MAPK10: variants seen among roughly 807,000 people sequenced by gnomAD.
The protein encoded by MAPK10 is mitogen-activated protein kinase 10.
Under a neutral mutation model 59.3 loss-of-function variants are expected in MAPK10, and 25 were observed. The ratio of observed to expected loss-of-function variants is 0.42; its 90% confidence interval spans 0.31 to 0.59. MAPK10 has a LOEUF of 0.59. Among genes scored for constraint, MAPK10 ranks in the 20% least tolerant of loss-of-function variants. MAPK10 has a pLI of 0.15. For missense variants in MAPK10, 351 were observed against 568.9 expected (o/e 0.62, Z 3.90); for synonymous variants, 190 against 200.5 (o/e 0.95, Z 0.44).
chr4:86,458,193 A>T (rs1751405111), upstream of MAPK10, among the ~76,000 whole-genome samples: 1 of 151,972 alleles, frequency 6.6e-6, no homozygotes, highest in South Asian at 2.1e-4. Flanking sequence ...CCAGCTACTT[A>T]GGAAGCTGAG....
At chr4:86,378,728 T>C (rs1490577062) in intron 1 of MAPK10, among the ~76,000 whole-genome samples, 2 of 152,356 alleles carry the variant, frequency 1.3e-5, no homozygotes, top group South Asian at 2.1e-4. Context: ...TGAACAGTTA[T>C]CTGGTACTGC....
intron 1 of MAPK10, among the ~76,000 whole-genome samples, chr4:86,424,738 G>T (rs932878072): frequency 2.6e-5 from 4 of 152,132 alleles, no homozygotes; most frequent in African/African-American, 7.2e-5. Context: ...GGGAAATCAT[G>T]AGGGTAGCAT....
intron 2 of MAPK10, among the ~76,000 whole-genome samples, chr4:86,300,427 G>A (rs1173736645): frequency 3.3e-5 from 5 of 151,372 alleles, no homozygotes; most frequent in Admixed American, 6.6e-5. Flanking sequence ...CTCACTTCTT[G>A]TTTTAAAATA....
intron 4 of MAPK10, among the ~76,000 whole-genome samples, chr4:86,143,608 C>T (rs1162151314): frequency 6.6e-6 from 1 of 152,184 alleles, no homozygotes; most frequent in Non-Finnish European, 1.5e-5. Context: ...ATTCTATTTA[C>T]TAGACCAAAA....
intron 1 of MAPK10, among the ~76,000 whole-genome samples, chr4:86,483,432 T>C (rs1465797854): frequency 1.3e-5 from 2 of 152,076 alleles, no homozygotes. Context: ...TTACTTCTAC[T>C]GATAAGTAAG....
chr4:86,544,967 G>A (rs945044834), intron 1 of MAPK10, among the ~76,000 whole-genome samples: 1 of 151,952 alleles, frequency 6.6e-6, no homozygotes, highest in Non-Finnish European at 1.5e-5. Flanking sequence ...GGGAGAAAGA[G>A]AGGAAGGGAG....
At chr4:86,514,637 T>C (rs1425717787) in intron 1 of MAPK10, among the ~76,000 whole-genome samples, 3 of 152,210 alleles carry the variant, frequency 2.0e-5, no homozygotes, top group Non-Finnish European at 4.4e-5. Flanking sequence ...ATATTACAGC[T>C]TAAATAATAT....
intron 1 of MAPK10, among the ~76,000 whole-genome samples, chr4:86,479,887 T>C (rs761829509): frequency 1.3e-5 from 2 of 151,898 alleles, no homozygotes; most frequent in African/African-American, 2.4e-5. Flanking sequence ...TACCACAAAA[T>C]CTTCCTTCAG....
chr4:86,378,337 C>T (rs2148998897), intron 1 of MAPK10, among the ~76,000 whole-genome samples: 1 of 152,296 alleles, frequency 6.6e-6, no homozygotes, highest in Middle Eastern at 3.4e-3. Flanking sequence ...CTGTCTGCAA[C>T]TCTCTTCCTT....
chr4:86,558,154 T>C (rs1004984655), intron 1 of MAPK10, among the ~76,000 whole-genome samples: 3 of 152,154 alleles, frequency 2.0e-5, no homozygotes, highest in Admixed American at 2.0e-4. Context: ...CAAATTAGTG[T>C]TCTCTTCTAT....
At chr4:86,234,942 C>T (rs1248648947) in intron 2 of MAPK10, among the ~76,000 whole-genome samples, 3 of 152,060 alleles carry the variant, frequency 2.0e-5, no homozygotes, top group Non-Finnish European at 4.4e-5. Flanking sequence ...CATGCAGTAA[C>T]GGATTAGGAG....
chr4:86,350,159 C>A (rs1034903029), intron 2 of MAPK10, among the ~76,000 whole-genome samples: 1 of 152,102 alleles, frequency 6.6e-6, no homozygotes, highest in South Asian at 2.1e-4. Flanking sequence ...TCAAGCGATT[C>A]TCCTGCCTCA....
chr4:86,390,780 T>C, intron 1 of MAPK10, among the ~76,000 whole-genome samples: 1 of 152,198 alleles, frequency 6.6e-6, no homozygotes, highest in East Asian at 1.9e-4. Flanking sequence ...CGTGAAGGTC[T>C]GTGTGGAGTG....
chr4:86,224,760 G>A (rs751413627), intron 2 of MAPK10, among the ~76,000 whole-genome samples: 1 of 152,144 alleles, frequency 6.6e-6, no homozygotes, highest in Non-Finnish European at 1.5e-5. Context: ...ATAAATCTGA[G>A]TTTGTGTTTT....
At chr4:86,224,324 A>C (rs543838725) in intron 2 of MAPK10, among the ~76,000 whole-genome samples, 1 of 152,360 alleles carries the variant, frequency 6.6e-6, no homozygotes, top group African/African-American at 2.4e-5. Context: ...AAAGTATGTT[A>C]ATATGTTATA....
chr4:86,074,414 G>A (rs2048763720), intron 9 of MAPK10, among the ~76,000 whole-genome samples: 1 of 150,950 alleles, frequency 6.6e-6, no homozygotes, highest in Admixed American at 6.6e-5. Context: ...ATATTGTTAT[G>A]TGTGAATTTG....
At chr4:86,088,359 G>GT (rs2052394181) in intron 9 of MAPK10, among the ~76,000 whole-genome samples, 2 of 151,998 alleles carry the variant, frequency 1.3e-5, no homozygotes, top group South Asian at 4.2e-4. Context: ...TTTTATTTTT[G>GT]TTTTTTGTAG....
chr4:86,147,341 C>T (rs756750845), intron 4 of MAPK10, among the ~76,000 whole-genome samples: 1 of 152,176 alleles, frequency 6.6e-6, no homozygotes, highest in African/African-American at 2.4e-5. Context: ...CTGCCTGCCT[C>T]AGCCTCCCAA....
intron 1 of MAPK10, among the ~76,000 whole-genome samples, chr4:86,425,090 G>C (rs757789762): frequency 6.6e-6 from 1 of 152,160 alleles, no homozygotes; most frequent in Non-Finnish European, 1.5e-5. Flanking sequence ...GACAGAGGCA[G>C]AAAGGCTTTT....
Sources: gnomAD v4.1 joint callset for allele counts (sites outside exome capture counted in the v4.1 genomes callset) on GRCh38, gnomAD v4.1.1 for gene constraint, MANE v1.5 for transcripts, NCBI Gene and HGNC (gene_info 2026-07-23, HGNC 2026-07-21) for gene names.